The following C1orf105 variants were observed in gnomAD, a reference collection of about 807,000 sequenced individuals.
The protein encoded by C1orf105 is uncharacterized protein C1orf105.
In C1orf105, 17 loss-of-function variants were observed where a neutral mutation model predicts 20.8. The ratio of observed to expected loss-of-function variants is 0.82; its 90% CI spans 0.56 to 1.23. The LOEUF is 1.23. Among genes scored for constraint, C1orf105 ranks in the 50% most tolerant of loss-of-function variants. The pLI is 0.00. For synonymous variants in C1orf105, 72 were observed against 72.1 expected (o/e 1.00, Z 0.01); for missense variants, 219 against 213.5 (o/e 1.03, Z -0.16).
At chr1:172,442,863 T>C (rs557561443) in intron 1 of C1orf105, 1 of 478,014 alleles carries the variant, frequency 2.1e-6, no homozygotes, top group Admixed American at 3.6e-5. Context: ...CCTACGAAAG[T>C]TGTGAAAGGT....
At chr1:172,427,777 C>T (rs764678605) in intron 1 of C1orf105, among the ~76,000 whole-genome samples, 6 of 152,134 alleles carry the variant, frequency 3.9e-5, no homozygotes, top group Non-Finnish European at 8.8e-5. Context: ...GCTTCTTCTT[C>T]GCCTCAACAT....
chr1:172,468,464 G>C lies in C1orf105; in HGVS notation c.422G>C (p.Arg141Thr). ...TGTCATCCAGAAAGCATTCACTACA[G>C]ACTGCCCATTCTGGGCCCCAGGACA... The part of the protein sequence containing the change: ...DDIPTESIHY[R>T]LPILGPRTAV... The change falls in exon 7 of 7, where the codon AGA (arginine) becomes ACA (threonine). Residue 141 changes from arginine to threonine, a missense_variant. Coordinates refer to ENST00000367727, the MANE Select transcript of C1orf105 (RefSeq NM_139240.4). 5 of 1,613,286 alleles carry C rather than the reference G, an allele frequency of 3.1e-6. No homozygotes were observed. Among genetic ancestry groups the C allele is most frequent in the Non-Finnish European group, 2.5e-6 (3 of 1,179,420 alleles).
Position 172,468,575 on chromosome 1 carries a change from G to A in C1orf105, c.533G>A (p.Gly178Asp), listed in dbSNP as rs576612278. 24 of 1,613,494 alleles carry A rather than the reference G, an allele frequency of 1.5e-5. No homozygotes were observed. The highest frequency in any genetic ancestry group is 1.3e-4 in the South Asian group (12 of 91,020). ...RSSLPRKEPI[G>D]KTTRQ ...TCCTTGCCCAGAAAGGAACCAATAG[G>A]CAAGACAACGAGGCAGTGAGCGGTA... The change falls in exon 7 of 7, where the codon GGC becomes GAC. Residue 178 changes from glycine (G) to aspartate (D), a missense_variant. By Grantham distance (94) the Gly-to-Asp change is moderately conservative. Coordinates refer to ENST00000367727, the MANE Select transcript of C1orf105 (RefSeq NM_139240.4).
At chr1:172,431,098 T>C (rs1219346842) in intron 1 of C1orf105, 1 of 654,190 alleles carries the variant, frequency 1.5e-6, no homozygotes, top group Non-Finnish European at 2.8e-6. Flanking sequence ...TTAAGCCAAT[T>C]AATAACCCTG....
intron 5 of C1orf105, 75 bp from the exon 6 acceptor site, chr1:172,465,224 A>T (rs1649956428): frequency 5.8e-6 from 4 of 691,436 alleles, no homozygotes; most frequent in African/African-American, 1.9e-5. Flanking sequence ...TAAAAATAAA[A>T]ATGTATAAAG....
At chr1:172,434,713 T>C (rs2071981371) in intron 1 of C1orf105, among the ~76,000 whole-genome samples, 2 of 151,460 alleles carry the variant, frequency 1.3e-5, no homozygotes, top group Admixed American at 6.6e-5. Context: ...AAAAGCAAAT[T>C]CAAAAGCTAG....
intron 3 of C1orf105, among the ~76,000 whole-genome samples, chr1:172,455,404 C>T (rs957152566): frequency 3.3e-5 from 5 of 152,146 alleles, no homozygotes; most frequent in African/African-American, 7.2e-5. Context: ...GGCCAGCAAG[C>T]GGATCAAAGG....
chr1:172,443,493 C>A (rs1241473146), intron 1 of C1orf105: 1 of 167,080 alleles, frequency 6.0e-6, no homozygotes, highest in Admixed American at 6.5e-5. Flanking sequence ...AGCTTAGCAT[C>A]CTTTAAAGAG....
chr1:172,438,069 T>A (rs886502024), intron 1 of C1orf105, among the ~76,000 whole-genome samples: 3 of 152,044 alleles, frequency 2.0e-5, no homozygotes, highest in Admixed American at 2.0e-4. Flanking sequence ...TAGCAGCACA[T>A]CTGTTTACAG....
intron 1 of C1orf105, among the ~76,000 whole-genome samples, chr1:172,421,772 T>C (rs1387808568): frequency 6.6e-6 from 1 of 152,152 alleles, no homozygotes. Context: ...AAGACAATCT[T>C]GAATTGCTGA....
intron 2 of C1orf105, among the ~76,000 whole-genome samples, chr1:172,447,419 T>A (rs1648132622): frequency 1.3e-5 from 2 of 152,196 alleles, no homozygotes; most frequent in East Asian, 3.8e-4. Flanking sequence ...GCCACACTCA[T>A]CGTCAGTCTC....
intron 1 of C1orf105, chr1:172,442,379 G>C: frequency 1.2e-6 from 2 of 1,613,402 alleles, no homozygotes; most frequent in Non-Finnish European, 1.7e-6. Flanking sequence ...AGCCAATGGG[G>C]GGCCAGAAGA....
At chr1:172,457,753 C>A (rs1649394313) in intron 4 of C1orf105, among the ~76,000 whole-genome samples, 1 of 152,180 alleles carries the variant, frequency 6.6e-6, no homozygotes, top group African/African-American at 2.4e-5. Context: ...TGACCTTTGC[C>A]CTTGTCCAGG....
At chr1:172,429,271 TACAC>T (rs1428440489) in intron 1 of C1orf105, among the ~76,000 whole-genome samples, 4 of 150,918 alleles carry the variant, frequency 2.7e-5, no homozygotes, top group African/African-American at 9.8e-5. Context: ...CACACACACA[TACAC>T]ACACAACGTG....
chr1:172,454,329 C>T lies in C1orf105; in HGVS notation c.199-2086C>T, dbSNP rs556526507. On this transcript the variant is annotated intron_variant, in intron 3 of 6. Transcript: ENST00000367727. Reference sequence around the variant, plus strand: ...TGAAGGCACAGAGGTATTAGTGCCTCTTGTATGATATCTAGTGTGTCCTAC... The same window carrying T: ...TGAAGGCACAGAGGTATTAGTGCCTTTTGTATGATATCTAGTGTGTCCTAC... Among the ~76,000 whole-genome samples the T allele has an allele frequency of 2.6e-5, 4 of 151,490 alleles. No individual in the cohort carries two copies. In the South Asian group the frequency reaches 8.4e-4, roughly 32 times the overall value.
chr1:172,441,435 GA>G, intron 1 of C1orf105: 1 of 240,952 alleles, frequency 4.2e-6, no homozygotes. Context: ...CCTGTTTATG[GA>G]AAAATCATGA....
At chr1:172,454,107 C>T (rs1468889641) in intron 3 of C1orf105, among the ~76,000 whole-genome samples, 1 of 152,084 alleles carries the variant, frequency 6.6e-6, no homozygotes, top group African/African-American at 2.4e-5. Flanking sequence ...TTAGCAGAAA[C>T]CAGAAGTCTG....
At chr1:172,465,637 T>C (rs1649994570) in intron 6 of C1orf105, 2 of 581,332 alleles carry the variant, frequency 3.4e-6, no homozygotes, top group Middle Eastern at 2.7e-4. Flanking sequence ...CTGAAGACTT[T>C]CCATGGAGAT....
intron 1 of C1orf105, chr1:172,441,490 A>G: frequency 2.8e-6 from 1 of 360,220 alleles, no homozygotes; most frequent in Non-Finnish European, 5.0e-6. Flanking sequence ...AAACCACATC[A>G]CTTCATATGT....
Sources: gnomAD v4.1 joint callset for allele counts (sites outside exome capture counted in the v4.1 genomes callset) on GRCh38, gnomAD v4.1.1 for gene constraint, MANE v1.5 for transcripts, NCBI Gene and HGNC (gene_info 2026-07-23, HGNC 2026-07-21) for gene names.